SPECC1: variants seen among roughly 807,000 people sequenced by gnomAD.
The protein encoded by SPECC1 is sperm antigen with calponin homology and coiled-coil domains 1.
A neutral mutation model predicts 104.1 loss-of-function variants in SPECC1; 62 were observed. The observed-to-expected ratio is 0.60, with a 90% CI of 0.49 to 0.74. The LOEUF is 0.74. SPECC1 is among the 30% of genes least tolerant of loss of function. The pLI, the probability that SPECC1 is intolerant of heterozygous loss-of-function variation, is 0.00. For missense variants in SPECC1, 1,306 were observed against 1,310.5 expected, an observed-to-expected ratio of 1.00 and a Z score of 0.05; for synonymous variants, 513 against 501.6, an observed-to-expected ratio of 1.02 and a Z score of -0.30.
At chr17:20,194,691 A>G (rs756201733) in intron 3 of SPECC1, among the ~76,000 whole-genome samples, 3 of 151,530 alleles carry the variant, frequency 2.0e-5, no homozygotes, top group African/African-American at 4.9e-5. Flanking sequence ...ATTTTAGTAG[A>G]GATGGGGTTT....
chr17:20,235,472 C>A (rs2038855044), intron 7 of SPECC1, among the ~76,000 whole-genome samples: 1 of 152,140 alleles, frequency 6.6e-6, no homozygotes, highest in Non-Finnish European at 1.5e-5. Flanking sequence ...ACATCTTTTT[C>A]CTGAAAAGTT....
chr17:20,113,348 T>C (rs1045093868), intron 3 of SPECC1, among the ~76,000 whole-genome samples: 4 of 152,264 alleles, frequency 2.6e-5, no homozygotes, highest in Middle Eastern at 3.4e-3. Context: ...ATTTGAGGAT[T>C]TTAATTTATG....
intron 1 of SPECC1, among the ~76,000 whole-genome samples, chr17:20,094,360 G>T (rs1016475060): frequency 6.6e-6 from 1 of 152,182 alleles, no homozygotes; most frequent in Non-Finnish European, 1.5e-5. Flanking sequence ...ACCATCCACA[G>T]GATCGACGCA....
chr17:20,182,509 C>G (rs2034979743), intron 3 of SPECC1, among the ~76,000 whole-genome samples: 1 of 151,990 alleles, frequency 6.6e-6, no homozygotes, highest in Non-Finnish European at 1.5e-5. Context: ...AGTACTTATT[C>G]CATTGGGTAT....
intron 12 of SPECC1, among the ~76,000 whole-genome samples, chr17:20,269,191 C>T (rs1314234324): frequency 5.3e-5 from 8 of 152,234 alleles, no homozygotes; most frequent in Non-Finnish European, 1.2e-4. Flanking sequence ...AGGCCTGGGA[C>T]GGCTCTCTTT....
chr17:20,151,901 T>G (rs966409303), intron 3 of SPECC1, among the ~76,000 whole-genome samples: 2 of 148,702 alleles, frequency 1.3e-5, no homozygotes, highest in Non-Finnish European at 3.0e-5. Context: ...ATAGAAAAAT[T>G]AGCTGGGCAT....
chr17:20,264,246 G>T (rs1171655245), intron 12 of SPECC1, among the ~76,000 whole-genome samples: 1 of 151,916 alleles, frequency 6.6e-6, no homozygotes, highest in Non-Finnish European at 1.5e-5. Context: ...TTTTATTTCA[G>T]CTTTAGTTAT....
chr17:20,316,511 T>C lies in SPECC1; in HGVS notation c.*2446T>C. On this transcript the variant is annotated 3_prime_UTR_variant, in exon 15 of 15. Coordinates refer to ENST00000395527, the MANE Select transcript of SPECC1 (RefSeq NM_001243439.2). Reference sequence around the variant, plus strand: ...CCTCCCATGTGGCTGGGATTACAGGTGCCCATCACCACACCCAGCTAATGT... The same window carrying C: ...CCTCCCATGTGGCTGGGATTACAGGCGCCCATCACCACACCCAGCTAATGT... 1 of 187,860 alleles carries C rather than the reference T, an allele frequency of 5.3e-6. No homozygotes were observed. The highest frequency in any genetic ancestry group is 1.1e-5 in the Non-Finnish European group (1 of 89,244). 11.6% of individuals were successfully genotyped at this position (187,860 alleles called of 1,614,324 possible). A position where few individuals can be genotyped will look rare whatever the true frequency, so the allele number is the denominator to read the frequency against.
chr17:20,115,763 T>C (rs1043174087), intron 3 of SPECC1, among the ~76,000 whole-genome samples: 1 of 152,198 alleles, frequency 6.6e-6, no homozygotes. Context: ...GTGCAGAGAC[T>C]TCTTTAATGA....
chr17:20,107,818 G>A (rs116453149), intron 2 of SPECC1, among the ~76,000 whole-genome samples: 342 of 152,122 alleles, frequency 2.2e-3, no homozygotes, highest in African/African-American at 7.9e-3. Flanking sequence ...GAGCCACTGC[G>A]CTCGACCATG....
intron 3 of SPECC1, among the ~76,000 whole-genome samples, chr17:20,111,199 A>G (rs2048474019): frequency 1.3e-5 from 2 of 152,188 alleles, no homozygotes; most frequent in South Asian, 4.1e-4. Context: ...TCATGGCCTA[A>G]CTCTTACAGT....
chr17:20,179,235 G>A (rs1182836851), intron 3 of SPECC1, among the ~76,000 whole-genome samples: 2 of 152,272 alleles, frequency 1.3e-5, no homozygotes, highest in African/African-American at 4.8e-5. Context: ...GGATGCTGCT[G>A]CTGTGTTCCT....
At chr17:20,086,504 A>G (rs1439438029) in intron 1 of SPECC1, among the ~76,000 whole-genome samples, 5 of 152,146 alleles carry the variant, frequency 3.3e-5, no homozygotes, top group Non-Finnish European at 5.9e-5. Context: ...TAGGGGACTT[A>G]TGAGATCACC....
chr17:20,194,663 G>A (rs546423862), intron 3 of SPECC1, among the ~76,000 whole-genome samples: 3 of 151,564 alleles, frequency 2.0e-5, no homozygotes, highest in East Asian at 3.9e-4. Context: ...GCGCCACCAC[G>A]CCTAGCTACT....
chr17:20,229,962 A>G (rs1389602627), intron 5 of SPECC1, among the ~76,000 whole-genome samples: 1 of 152,224 alleles, frequency 6.6e-6, no homozygotes, highest in Non-Finnish European at 1.5e-5. Flanking sequence ...AAAAGGCCAT[A>G]AAGTGTGAGA....
intron 1 of SPECC1, among the ~76,000 whole-genome samples, chr17:20,063,856 C>G (rs1288995434): frequency 6.6e-6 from 1 of 152,152 alleles, no homozygotes; most frequent in Admixed American, 6.5e-5. Context: ...ACTTAGCCAA[C>G]AGAATAAGGC....
chr17:20,275,105 T>C (rs2040533951), intron 12 of SPECC1, among the ~76,000 whole-genome samples: 1 of 152,116 alleles, frequency 6.6e-6, no homozygotes, highest in African/African-American at 2.4e-5. Context: ...TAATGAGCTA[T>C]CCATATGGTT....
At chr17:20,100,241 G>A (rs2047880146) in intron 2 of SPECC1, among the ~76,000 whole-genome samples, 1 of 152,162 alleles carries the variant, frequency 6.6e-6, no homozygotes, top group Non-Finnish European at 1.5e-5. Flanking sequence ...AGGAGCAGCA[G>A]AAAGAAATGT....
At chr17:20,203,172 G>A (rs918898303) in intron 3 of SPECC1, among the ~76,000 whole-genome samples, 5 of 151,500 alleles carry the variant, frequency 3.3e-5, no homozygotes, top group Admixed American at 2.6e-4. Context: ...AGGCCTACAG[G>A]TTGATGACCA....
Sources: gnomAD v4.1 joint callset for allele counts (sites outside exome capture counted in the v4.1 genomes callset) on GRCh38, gnomAD v4.1.1 for gene constraint, MANE v1.5 for transcripts, NCBI Gene and HGNC (gene_info 2026-07-23, HGNC 2026-07-21) for gene names.